The following PRELID2 variants were observed in gnomAD, a reference collection of about 807,000 sequenced individuals.
PRELID2 encodes PRELI domain containing 2.
PRELID2 carries 25 observed loss-of-function variants against 28.4 expected under a neutral mutation model. The ratio of observed to expected loss-of-function variants is 0.88; its 90% confidence interval spans 0.64 to 1.23. The LOEUF (loss-of-function observed/expected upper bound fraction) is 1.23, where lower values mean the gene tolerates loss of function less well. PRELID2 is among the 50% of genes most tolerant of loss of function. PRELID2 has a pLI of 0.00. For missense variants in PRELID2, 201 were observed against 214.4 expected, an observed-to-expected ratio of 0.94 and a Z score of 0.39; for synonymous variants, 76 against 71.6, an observed-to-expected ratio of 1.06 and a Z score of -0.31.
intron 1 of PRELID2, among the ~76,000 whole-genome samples, chr5:145,830,453 G>C (rs1243510155): frequency 3.3e-5 from 5 of 152,132 alleles, no homozygotes; most frequent in Non-Finnish European, 2.9e-5. Flanking sequence ...CCATTAAAAA[G>C]GTCTAAGTGA....
chr5:145,715,013 TC>T (rs1202809401), intron 1 of PRELID2, among the ~76,000 whole-genome samples: 1 of 152,172 alleles, frequency 6.6e-6, no homozygotes, highest in African/African-American at 2.4e-5. Flanking sequence ...ACATACTCCA[TC>T]TAGGCAAGCC....
At chr5:145,777,532 A>G (rs1758486533) in intron 5 of PRELID2, among the ~76,000 whole-genome samples, 2 of 152,186 alleles carry the variant, frequency 1.3e-5, no homozygotes, top group Non-Finnish European at 2.9e-5. Context: ...TCAACTATAA[A>G]ATGGTAATGA....
the PRELID2 span, among the ~76,000 whole-genome samples, chr5:145,233,146 G>C: frequency 0.24 from 36,699 of 151,970 alleles, 5,480 homozygotes; most frequent in Non-Finnish European, 0.31. Context: ...CTGAGGCTCA[G>C]AGGGGTCTGC....
At chr5:145,349,307 T>G in the PRELID2 span, among the ~76,000 whole-genome samples, 2 of 152,148 alleles carry the variant, frequency 1.3e-5, no homozygotes, top group Non-Finnish European at 2.9e-5. Flanking sequence ...CAGAATTATA[T>G]TTTTGGGACT....
At chr5:145,530,619 G>A (rs1425454215) in intron 1 of PRELID2, among the ~76,000 whole-genome samples, 1 of 152,036 alleles carries the variant, frequency 6.6e-6, no homozygotes, top group Non-Finnish European at 1.5e-5. Flanking sequence ...CTCTGGTAAC[G>A]AACGCAGGAA....
chr5:145,333,935 CTG>C, the PRELID2 span, among the ~76,000 whole-genome samples: 1 of 152,072 alleles, frequency 6.6e-6, no homozygotes, highest in Non-Finnish European at 1.5e-5. Flanking sequence ...ATCTCCTGGT[CTG>C]TGAGTTGCAA....
intron 1 of PRELID2, among the ~76,000 whole-genome samples, chr5:145,663,650 C>T (rs1387932328): frequency 1.3e-5 from 2 of 152,100 alleles, no homozygotes; most frequent in Admixed American, 6.6e-5. Context: ...TTTATTAATA[C>T]GTGCCACACC....
At chr5:145,332,313 G>T in the PRELID2 span, among the ~76,000 whole-genome samples, 2 of 152,152 alleles carry the variant, frequency 1.3e-5, no homozygotes, top group African/African-American at 4.8e-5. Flanking sequence ...ATGTTGGTCT[G>T]TCTGGCTAGG....
chr5:145,467,171 A>G (rs887797888), downstream of PRELID2, among the ~76,000 whole-genome samples: 1 of 152,148 alleles, frequency 6.6e-6, no homozygotes. Context: ...AGTGGTTATC[A>G]TGACAATCCA....
chr5:145,459,554 G>T, the PRELID2 span, among the ~76,000 whole-genome samples: 1 of 151,750 alleles, frequency 6.6e-6, no homozygotes, highest in Non-Finnish European at 1.5e-5. Flanking sequence ...ACAATTTAAG[G>T]CTACTTAATT....
chr5:145,786,593 T>G (rs115370739), intron 5 of PRELID2, among the ~76,000 whole-genome samples: 5 of 152,172 alleles, frequency 3.3e-5, no homozygotes, highest in African/African-American at 4.8e-5. Flanking sequence ...CTGTGAAACC[T>G]TGAAACAGAT....
chr5:145,804,832 C>T (rs766926391), intron 4 of PRELID2, among the ~76,000 whole-genome samples: 33 of 152,066 alleles, frequency 2.2e-4, no homozygotes, highest in Non-Finnish European at 3.7e-4. Context: ...GAGTTGATGG[C>T]GAAGCTTCAA....
At chr5:145,233,289 C>G in the PRELID2 span, among the ~76,000 whole-genome samples, 83 of 152,166 alleles carry the variant, frequency 5.5e-4, no homozygotes, top group African/African-American at 1.9e-3. Context: ...TTTGTCTGCT[C>G]CTCTCAAAAT....
At chr5:145,822,198 T>C (rs1167942547) in intron 2 of PRELID2, among the ~76,000 whole-genome samples, 1 of 152,182 alleles carries the variant, frequency 6.6e-6, no homozygotes, top group Non-Finnish European at 1.5e-5. Flanking sequence ...CTATGTGCAT[T>C]GTCACAGCTT....
intron 1 of PRELID2, among the ~76,000 whole-genome samples, chr5:145,531,509 C>T (rs138707165): frequency 5.5e-4 from 83 of 152,270 alleles, no homozygotes; most frequent in African/African-American, 1.9e-3. Flanking sequence ...AAGTGGCCAT[C>T]GTCTCACCCT....
the PRELID2 span, among the ~76,000 whole-genome samples, chr5:145,343,308 A>G: frequency 1.6e-3 from 244 of 152,096 alleles, 1 homozygote; most frequent in Non-Finnish European, 4.4e-4. Context: ...TTAAAAACCA[A>G]TATTATATCA....
intron 1 of PRELID2, among the ~76,000 whole-genome samples, chr5:145,542,197 T>G (rs997610614): frequency 3.3e-5 from 5 of 152,062 alleles, no homozygotes; most frequent in Non-Finnish European, 7.4e-5. Flanking sequence ...TCTGCTTTCC[T>G]GAATCCTTTC....
At chr5:145,620,208 C>A (rs1753755067) in intron 1 of PRELID2, among the ~76,000 whole-genome samples, 1 of 152,064 alleles carries the variant, frequency 6.6e-6, no homozygotes, top group African/African-American at 2.4e-5. Flanking sequence ...GAATGCTGAA[C>A]AACATAAATT....
intron 1 of PRELID2, among the ~76,000 whole-genome samples, chr5:145,479,841 A>T (rs976887102): frequency 3.9e-5 from 6 of 152,164 alleles, no homozygotes; most frequent in Admixed American, 1.3e-4. Context: ...TTCCTCATAG[A>T]TGACAAAAAA....
Sources: allele counts gnomAD v4.1 joint callset (sites outside exome capture counted in the v4.1 genomes callset), GRCh38; gene constraint gnomAD v4.1.1; transcripts MANE v1.5; gene names NCBI Gene and HGNC (gene_info 2026-07-23, HGNC 2026-07-21).